The following NRG1 variants were observed in gnomAD, a reference collection of about 807,000 sequenced individuals.
The protein encoded by NRG1 is neuregulin 1.
NRG1 carries 18 observed loss-of-function variants against 63.8 expected under a neutral mutation model. The observed-to-expected ratio is 0.28, with a 90% CI of 0.19 to 0.42. The LOEUF (loss-of-function observed/expected upper bound fraction) is 0.42. Among genes scored for constraint, NRG1 ranks in the 10% least tolerant of loss-of-function variants. The pLI is 1.00. For synonymous variants in NRG1, 302 were observed against 301.3 expected (o/e 1.00, Z -0.02); for missense variants, 762 against 814.7 (o/e 0.94, Z 0.79).
chr8:32,444,539 A>G (rs888140514), intron 1 of NRG1, among the ~76,000 whole-genome samples: 4 of 152,196 alleles, frequency 2.6e-5, no homozygotes, highest in Non-Finnish European at 4.4e-5. Context: ...TCTACTTTGT[A>G]GAAGAGCCAA....
intron 1 of NRG1, among the ~76,000 whole-genome samples, chr8:32,379,415 A>G (rs1357390351): frequency 6.6e-6 from 1 of 152,202 alleles, no homozygotes; most frequent in Non-Finnish European, 1.5e-5. Context: ...CAATAACAAG[A>G]GAATAAAACT....
chr8:32,061,060 C>G (rs575631876), intron 1 of NRG1, among the ~76,000 whole-genome samples: 1 of 151,904 alleles, frequency 6.6e-6, no homozygotes, highest in African/African-American at 2.4e-5. Flanking sequence ...ATATACTATA[C>G]TTATGCTTTC....
intron 1 of NRG1, among the ~76,000 whole-genome samples, chr8:32,321,867 T>C (rs901911027): frequency 6.6e-6 from 1 of 151,880 alleles, no homozygotes; most frequent in African/African-American, 2.4e-5. Flanking sequence ...TTTTTTCTAT[T>C]ATATAAGCTA....
intron 7 of NRG1, among the ~76,000 whole-genome samples, chr8:32,752,680 C>T (rs1828965956): frequency 1.3e-5 from 2 of 152,122 alleles, no homozygotes; most frequent in African/African-American, 4.8e-5. Flanking sequence ...TAACTTTTAA[C>T]CTTGTTTTCC....
intron 1 of NRG1, among the ~76,000 whole-genome samples, chr8:31,669,686 G>A (rs1806920948): frequency 6.6e-6 from 1 of 152,166 alleles, no homozygotes; most frequent in African/African-American, 2.4e-5. Flanking sequence ...GAATTTATAT[G>A]CTACTGATAA....
chr8:32,594,770 C>T (rs1300873072), intron 1 of NRG1, among the ~76,000 whole-genome samples: 3 of 152,170 alleles, frequency 2.0e-5, no homozygotes, highest in Non-Finnish European at 4.4e-5. Context: ...TCTGTTGAGA[C>T]TATTTAGATG....
At position 31,813,491 on chromosome 8, in the gene NRG1, A is replaced by ATTTTCTTTTCTTTTC. The variant is rs1193889989; in HGVS notation, c.37+174075_37+174089dup. On this transcript the variant is annotated intron_variant, in intron 1 of 10. Coordinates refer to the NRG1 transcript ENST00000519301. Reference sequence around the variant, plus strand: ...TTTGATCATTGACTTTGCTACAGGAATTTTCTTTTCTTTTCTTTTCTTTTC... The same window carrying ATTTTCTTTTCTTTTC: ...TTTGATCATTGACTTTGCTACAGGAATTTTCTTTTCTTTTCTTTTCTTTTCTTTTCTTTTCTTTTC... Among the ~76,000 whole-genome samples the ATTTTCTTTTCTTTTC allele has an allele frequency of 5.5e-3, 631 of 114,886 alleles. 55 individuals carry two copies. Among genetic ancestry groups the ATTTTCTTTTCTTTTC allele is most frequent in the Middle Eastern group, 0.011 (2 of 174 alleles). 75.4% of individuals were successfully genotyped at this position (114,886 alleles called of 152,430 possible).
intron 1 of NRG1, among the ~76,000 whole-genome samples, chr8:31,719,042 G>C (rs903451017): frequency 3.9e-5 from 6 of 152,174 alleles, no homozygotes; most frequent in African/African-American, 9.6e-5. Context: ...ATGATTATAT[G>C]TATCAGTGTG....
intron 1 of NRG1, among the ~76,000 whole-genome samples, chr8:32,053,834 T>C (rs964729730): frequency 1.3e-5 from 2 of 152,210 alleles, no homozygotes; most frequent in Admixed American, 6.6e-5. Context: ...TTAAATGCTA[T>C]AAATGTTACT....
At chr8:32,664,506 C>A (rs887742508) in intron 5 of NRG1, among the ~76,000 whole-genome samples, 1 of 152,010 alleles carries the variant, frequency 6.6e-6, no homozygotes, top group African/African-American at 2.4e-5. Context: ...AAGGAATTTG[C>A]TGATAGCGAA....
chr8:32,720,630 T>G lies in NRG1; in HGVS notation c.503-7319T>G, dbSNP rs554168569. Reference sequence around the variant, plus strand: ...ATTATTGGCTTTGTGAAGAAGAAAATGTAGCTTTCTTGTAACTCCATTTAG... The same window carrying G: ...ATTATTGGCTTTGTGAAGAAGAAAAGGTAGCTTTCTTGTAACTCCATTTAG... On this transcript the variant is annotated intron_variant, in intron 5 of 11. Transcript: ENST00000356819. 3.3e-5 allele frequency among the ~76,000 whole-genome samples: 5 copies of G among 152,292 alleles called. No individual in the cohort carries two copies. The East Asian group carries it at 9.6e-4, about 29-fold the overall frequency.
chr8:32,257,740 G>A (rs10096233), intron 1 of NRG1, among the ~76,000 whole-genome samples: 102,446 of 151,996 alleles, frequency 0.67, 34,965 homozygotes, highest in Admixed American at 0.76. Context: ...AAGGGGCAGG[G>A]CGACCCACTT....
At chr8:32,138,776 C>T (rs943882381) in intron 1 of NRG1, among the ~76,000 whole-genome samples, 2 of 151,986 alleles carry the variant, frequency 1.3e-5, no homozygotes, top group Non-Finnish European at 2.9e-5. Flanking sequence ...CCATATTGGC[C>T]AGGCTGTTTT....
At chr8:32,548,029 C>T (rs1833284830), upstream of NRG1, among the ~76,000 whole-genome samples, 1 of 152,114 alleles carries the variant, frequency 6.6e-6, no homozygotes, top group African/African-American at 2.4e-5. Context: ...GGGGCGCTGG[C>T]CTCGGTCTCC....
At chr8:32,701,451 A>G (rs375424647) in intron 5 of NRG1, among the ~76,000 whole-genome samples, 1 of 152,210 alleles carries the variant, frequency 6.6e-6, no homozygotes, top group East Asian at 1.9e-4. Flanking sequence ...TCCCAGAAGA[A>G]TAACAACTCA....
rs145456043 is a variant in NRG1 at position 32,658,583 on chromosome 8, C to T, written c.502+41698C>T. Among the ~76,000 whole-genome samples the T allele has an allele frequency of 8.4e-3, 1,261 of 150,768 alleles. 6 individuals are homozygous for T. The highest frequency in any genetic ancestry group is 0.024 in the Middle Eastern group (7 of 294). On this transcript the variant is annotated intron_variant, in intron 5 of 11. Transcript: ENST00000356819. ...ATTAGCATTACAGAGCTTTAAGCCA[C>T]CTTAGAGACACTTTGAACCAAATCT...
chr8:32,182,163 G>T (rs1056251691), intron 1 of NRG1, among the ~76,000 whole-genome samples: 4 of 152,138 alleles, frequency 2.6e-5, no homozygotes, highest in Non-Finnish European at 5.9e-5. Context: ...TAATAACATG[G>T]CATGGGTTCT....
chr8:31,970,971 G>A (rs903432373), intron 1 of NRG1, among the ~76,000 whole-genome samples: 9 of 151,922 alleles, frequency 5.9e-5, no homozygotes, highest in African/African-American at 1.9e-4. Flanking sequence ...GTGAACCCGG[G>A]AGGCGGAGCT....
rs144023277 is a variant in NRG1, at chr8:31,947,011, A to C, written c.37+307580A>C. 5.7e-3 allele frequency among the ~76,000 whole-genome samples: 867 copies of C among 152,246 alleles called. 8 individuals are homozygous for C. Among genetic ancestry groups the C allele is most frequent in the Non-Finnish European group, 8.6e-3 (583 of 68,014 alleles). On this transcript the variant is annotated intron_variant, in intron 1 of 10. Coordinates refer to the NRG1 transcript ENST00000519301. ...ACTTTGTGTTTTTACTTAGAAAAGA[A>C]TGGATATGGCCGGGCGCGGTGGCTC...
Sources: gnomAD v4.1 joint callset for allele counts (sites outside exome capture counted in the v4.1 genomes callset) on GRCh38, gnomAD v4.1.1 for gene constraint, MANE v1.5 for transcripts, NCBI Gene and HGNC (gene_info 2026-07-23, HGNC 2026-07-21) for gene names.